CNTNAP2: variants seen among roughly 807,000 people sequenced by gnomAD.
CNTNAP2 encodes the protein contactin-associated protein-like 2.
CNTNAP2 carries 98 observed loss-of-function variants against 155.2 expected under a neutral mutation model. That is an observed-to-expected ratio of 0.63 (90% CI 0.54 to 0.75). The LOEUF (loss-of-function observed/expected upper bound fraction) is 0.75. Among genes scored for constraint, CNTNAP2 ranks in the 30% least tolerant of loss-of-function variants. The pLI is 0.00. For missense variants in CNTNAP2, 1,727 were observed against 1,688.1 expected (o/e 1.02, Z -0.40); for synonymous variants, 651 against 631.2 (o/e 1.03, Z -0.47).
chr7:147,730,942 C>T (rs112732748), intron 13 of CNTNAP2, among the ~76,000 whole-genome samples: 29,244 of 152,084 alleles, frequency 0.19, 3,230 homozygotes, highest in Middle Eastern at 0.38. Context: ...CCAACCACAA[C>T]ATTCCCTTAA....
At chr7:147,628,656 T>G (rs896641719) in intron 12 of CNTNAP2, among the ~76,000 whole-genome samples, 2 of 152,104 alleles carry the variant, frequency 1.3e-5, no homozygotes, top group East Asian at 3.9e-4. Context: ...ATGGCCTAAA[T>G]TCTCCAATTA....
intron 8 of CNTNAP2, among the ~76,000 whole-genome samples, chr7:147,285,546 G>A (rs575621795): frequency 6.6e-6 from 1 of 152,024 alleles, no homozygotes; most frequent in East Asian, 1.9e-4. Flanking sequence ...AATTAACCTT[G>A]TCTAAATTGT....
At chr7:147,205,531 TATA>T (rs1474411154) in intron 8 of CNTNAP2, among the ~76,000 whole-genome samples, 1 of 152,152 alleles carries the variant, frequency 6.6e-6, no homozygotes, top group African/African-American at 2.4e-5. Context: ...CAATTTCTAA[TATA>T]ATATTATTCA....
intron 1 of CNTNAP2, among the ~76,000 whole-genome samples, chr7:146,602,838 A>G (rs958501730): frequency 6.6e-6 from 1 of 152,232 alleles, no homozygotes; most frequent in Non-Finnish European, 1.5e-5. Context: ...CAAAGATTGT[A>G]TAGGATGGGG....
intron 11 of CNTNAP2, among the ~76,000 whole-genome samples, chr7:147,505,001 T>C (rs1353619806): frequency 6.6e-6 from 1 of 151,968 alleles, no homozygotes; most frequent in East Asian, 1.9e-4. Flanking sequence ...GGGTGTCTTT[T>C]CACAGGATAA....
At chr7:148,158,221 G>GTTTTTTTTTTTT (rs1562977677) in intron 17 of CNTNAP2, among the ~76,000 whole-genome samples, 3 of 63,134 alleles carry the variant, frequency 4.8e-5, no homozygotes, top group African/African-American at 1.5e-4. Flanking sequence ...CAATGTTTGC[G>GTTTTTTTTTTTT]CTTTTTTTTT....
intron 3 of CNTNAP2, among the ~76,000 whole-genome samples, chr7:146,868,498 G>A (rs1490423119): frequency 3.9e-5 from 6 of 152,048 alleles, no homozygotes; most frequent in South Asian, 2.1e-4. Flanking sequence ...TTGGCTATGC[G>A]GGCTCATTTT....
chr7:147,239,510 CAAAAA>C (rs74785209), intron 8 of CNTNAP2, among the ~76,000 whole-genome samples: 2 of 74,918 alleles, frequency 2.7e-5, no homozygotes. Flanking sequence ...ACTCCGTTTC[CAAAAA>C]AAAAAAAAAA....
At chr7:147,415,436 A>G (rs761110459) in intron 10 of CNTNAP2, among the ~76,000 whole-genome samples, 54 of 152,270 alleles carry the variant, frequency 3.5e-4, no homozygotes, top group Admixed American at 2.8e-3. Flanking sequence ...GGTTTCCCCC[A>G]TGCTGTTCTT....
chr7:148,165,045 T>C (rs1463742239), intron 17 of CNTNAP2, among the ~76,000 whole-genome samples: 1 of 152,134 alleles, frequency 6.6e-6, no homozygotes, highest in Non-Finnish European at 1.5e-5. Context: ...TGATAACCCT[T>C]CCTCATTGTC....
chr7:146,329,824 G>A (rs1801152401), intron 1 of CNTNAP2, among the ~76,000 whole-genome samples: 1 of 152,062 alleles, frequency 6.6e-6, no homozygotes, highest in South Asian at 2.1e-4. Context: ...GTACTGAATA[G>A]CCACATTACT....
intron 4 of CNTNAP2, among the ~76,000 whole-genome samples, chr7:147,099,069 T>C (rs1305782455): frequency 1.3e-5 from 2 of 152,014 alleles, no homozygotes; most frequent in Non-Finnish European, 1.5e-5. Flanking sequence ...AGGTCCTTTA[T>C]TGTAGTTTCC....
chr7:146,367,029 G>A (rs1328817115), intron 1 of CNTNAP2, among the ~76,000 whole-genome samples: 1 of 152,066 alleles, frequency 6.6e-6, no homozygotes, highest in Admixed American at 6.6e-5. Flanking sequence ...TAGCTGCCTT[G>A]AGAAATATCA....
At chr7:148,395,206 G>T (rs1799442485) in intron 22 of CNTNAP2, among the ~76,000 whole-genome samples, 1 of 88,540 alleles carries the variant, frequency 1.1e-5, no homozygotes, top group African/African-American at 4.2e-5. Flanking sequence ...TCAATTCTTT[G>T]TTTTCTTTCT....
At chr7:146,299,024 C>T (rs1800560350) in intron 1 of CNTNAP2, among the ~76,000 whole-genome samples, 3 of 152,094 alleles carry the variant, frequency 2.0e-5, no homozygotes, top group Non-Finnish European at 4.4e-5. Context: ...CCTGTTATCC[C>T]AGCACTTTGG....
At chr7:147,129,662 T>C (rs745914571) in intron 7 of CNTNAP2, among the ~76,000 whole-genome samples, 1 of 152,144 alleles carries the variant, frequency 6.6e-6, no homozygotes, top group Non-Finnish European at 1.5e-5. Flanking sequence ...AGTACAATAA[T>C]GTCATGAGTG....
intron 11 of CNTNAP2, among the ~76,000 whole-genome samples, chr7:147,545,032 C>T (rs752135409): frequency 2.6e-5 from 4 of 151,962 alleles, no homozygotes; most frequent in South Asian, 4.1e-4. Flanking sequence ...CACACATACA[C>T]GTACTCATAG....
At chr7:147,900,424 C>A (rs142034677) in intron 13 of CNTNAP2, among the ~76,000 whole-genome samples, 1 of 152,164 alleles carries the variant, frequency 6.6e-6, no homozygotes, top group Non-Finnish European at 1.5e-5. Flanking sequence ...CTCTCCTGCC[C>A]CCATGAGAAG....
At chr7:146,945,915 C>T (rs1358123782) in intron 3 of CNTNAP2, among the ~76,000 whole-genome samples, 1 of 152,148 alleles carries the variant, frequency 6.6e-6, no homozygotes, top group Non-Finnish European at 1.5e-5. Flanking sequence ...ACTAAAACTA[C>T]TTCGCCGTTG....
Sources: allele counts gnomAD v4.1 joint callset (sites outside exome capture counted in the v4.1 genomes callset), GRCh38; gene constraint gnomAD v4.1.1; transcripts MANE v1.5; gene names NCBI Gene and HGNC (gene_info 2026-07-23, HGNC 2026-07-21).